The following FDFT1 variants were observed in gnomAD, a reference collection of about 807,000 sequenced individuals.
FDFT1 encodes the protein farnesyl-diphosphate farnesyltransferase 1, also known as squalene synthase.
FDFT1 carries 68 observed loss-of-function variants against 46.8 expected under a neutral mutation model. The ratio of observed to expected loss-of-function variants is 1.45; its 90% CI spans 1.19 to 1.78. The LOEUF is 1.78. Among genes scored for constraint, FDFT1 ranks in the 40% most tolerant of loss-of-function variants. The probability of loss-of-function intolerance (pLI) is 0.00; values close to 1 mark genes in which losing one functional copy is unlikely to be tolerated. For synonymous variants in FDFT1, 351 were observed against 185.1 expected (o/e 1.90, Z -7.28); for missense variants, 928 against 524.4 (o/e 1.77, Z -7.52).
intron 1 of FDFT1, chr8:11,803,329 C>T: frequency 1.5e-6 from 2 of 1,294,444 alleles, no homozygotes; most frequent in South Asian, 2.5e-5. Flanking sequence ...CAGATAACAT[C>T]ACATGAAGGC....
Position 11,808,797 on chromosome 8 carries a change from T to TC in FDFT1, c.104dup (p.Leu36AlafsTer50). 6.2e-7 allele frequency: 1 copy of TC among 1,613,746 alleles called. No homozygotes were observed. ...CGTGTGTGTTGTCTGCCCGCAGGAC[T>TC]CGCTCAGCAGCAGCCTGAAAACTTG... is the stretch of plus-strand genomic sequence containing the variant. On this transcript the variant is annotated frameshift_variant, in exon 2 of 8. Transcript: ENST00000220584. LOFTEE classifies it high-confidence loss of function.
chr8:11,806,555 G>C (rs905192397), intron 1 of FDFT1, among the ~76,000 whole-genome samples: 1 of 152,198 alleles, frequency 6.6e-6, no homozygotes, highest in Non-Finnish European at 1.5e-5. Flanking sequence ...TGTTCTTGAA[G>C]AGTGTTGGGG....
At chr8:11,796,268 T>G (rs1307045835) in intron 1 of FDFT1, among the ~76,000 whole-genome samples, 1 of 152,144 alleles carries the variant, frequency 6.6e-6, no homozygotes, top group Non-Finnish European at 1.5e-5. Context: ...ACTGGACTGT[T>G]TGTGTTCTGA....
chr8:11,831,067 A>G (rs1475032122), intron 6 of FDFT1, among the ~76,000 whole-genome samples: 1 of 152,218 alleles, frequency 6.6e-6, no homozygotes, highest in Non-Finnish European at 1.5e-5. Flanking sequence ...CAGGAAATTA[A>G]TCCCCTTCTG....
chr8:11,818,839 T>C (rs1329910349), intron 3 of FDFT1, among the ~76,000 whole-genome samples: 1 of 152,246 alleles, frequency 6.6e-6, no homozygotes, highest in Non-Finnish European at 1.5e-5. Context: ...AACTGGGGCA[T>C]TTAGCCCACT....
chr8:11,828,411 C>T (rs1220947710), intron 5 of FDFT1, among the ~76,000 whole-genome samples: 1 of 152,240 alleles, frequency 6.6e-6, no homozygotes, highest in African/African-American at 2.4e-5. Context: ...TGTCTTACCC[C>T]TCTTTTGCAG....
intron 4 of FDFT1, among the ~76,000 whole-genome samples, chr8:11,825,231 T>C (rs187235455): frequency 6.6e-6 from 1 of 152,138 alleles, no homozygotes; most frequent in Non-Finnish European, 1.5e-5. Flanking sequence ...CTCATAGTTT[T>C]ATGTATCAAA....
chr8:11,801,600 A>G (rs2645430), upstream of FDFT1: 99,296 of 190,460 alleles, frequency 0.52, 27,940 homozygotes, highest in South Asian at 0.68. Context: ...GATTACAGGC[A>G]TGAGCCACCG....
upstream of FDFT1, among the ~76,000 whole-genome samples, chr8:11,801,386 C>T (rs560660241): frequency 1.3e-5 from 2 of 152,338 alleles, no homozygotes; most frequent in East Asian, 3.9e-4. Context: ...ATAGCGCGAT[C>T]TCAGCTCACT....
At chr8:11,825,234 G>C (rs1174108905) in intron 4 of FDFT1, among the ~76,000 whole-genome samples, 1 of 151,976 alleles carries the variant, frequency 6.6e-6, no homozygotes, top group Non-Finnish European at 1.5e-5. Flanking sequence ...ATAGTTTTAT[G>C]TATCAAAAAG....
chr8:11,817,128 CAT>C (rs1348507623), intron 3 of FDFT1, among the ~76,000 whole-genome samples: 2 of 152,114 alleles, frequency 1.3e-5, no homozygotes, highest in African/African-American at 2.4e-5. Flanking sequence ...TTGAGATAAT[CAT>C]GTGGTTTTTG....
At chr8:11,799,106 T>G (rs994344482), upstream of FDFT1, among the ~76,000 whole-genome samples, 4 of 152,222 alleles carry the variant, frequency 2.6e-5, no homozygotes, top group African/African-American at 7.2e-5. Flanking sequence ...CCATATTCAC[T>G]TTGGGATAGA....
upstream of FDFT1, among the ~76,000 whole-genome samples, chr8:11,801,520 A>C (rs780106039): frequency 5.9e-5 from 9 of 152,244 alleles, no homozygotes; most frequent in Admixed American, 3.9e-4. Flanking sequence ...CAGTTTCAGC[A>C]TGTTGGCCAG....
intron 3 of FDFT1, among the ~76,000 whole-genome samples, chr8:11,819,224 G>C (rs1027416478): frequency 2.0e-5 from 3 of 152,198 alleles, no homozygotes; most frequent in African/African-American, 7.2e-5. Flanking sequence ...TCTGCTGTTA[G>C]TCTGATGGGC....
At chr8:11,830,547 G>T in intron 6 of FDFT1, 127 bp downstream of exon 6, 1 of 688,166 alleles carries the variant, frequency 1.5e-6, no homozygotes, top group Non-Finnish European at 2.5e-6. Flanking sequence ...AGTTTATTAC[G>T]CTGGGAGTTT....
At chr8:11,808,250 CTG>C (rs774168328) in intron 1 of FDFT1, 195 of 1,205,340 alleles carry the variant, frequency 1.6e-4, no homozygotes, top group South Asian at 1.3e-3. Flanking sequence ...TAGGGAGACT[CTG>C]TCACTGGGAG....
intron 1 of FDFT1, among the ~76,000 whole-genome samples, chr8:11,804,884 C>A (rs918703637): frequency 6.7e-5 from 10 of 149,836 alleles, no homozygotes; most frequent in African/African-American, 2.5e-4. Flanking sequence ...GCTAGGATTA[C>A]AGGCGTGAGC....
At chr8:11,805,052 C>T (rs1286089470) in intron 1 of FDFT1, among the ~76,000 whole-genome samples, 2 of 151,214 alleles carry the variant, frequency 1.3e-5, no homozygotes, top group Non-Finnish European at 2.9e-5. Flanking sequence ...GTAGCTGGGA[C>T]TCCAGGCACG....
At chr8:11,804,269 C>A (rs900516007) in intron 1 of FDFT1, among the ~76,000 whole-genome samples, 18 of 152,202 alleles carry the variant, frequency 1.2e-4, no homozygotes, top group African/African-American at 3.9e-4. Flanking sequence ...GTCCAGACTT[C>A]ATTCCTCTAT....
Sources: allele counts gnomAD v4.1 joint callset (sites outside exome capture counted in the v4.1 genomes callset), GRCh38; gene constraint gnomAD v4.1.1; transcripts MANE v1.5; gene names NCBI Gene and HGNC (gene_info 2026-07-23, HGNC 2026-07-21).